LRRTM4: variants seen among roughly 807,000 people sequenced by gnomAD.
The protein encoded by LRRTM4 is leucine rich repeat transmembrane neuronal 4.
In LRRTM4, 25 loss-of-function variants were observed where a neutral mutation model predicts 47.6. That is an observed-to-expected ratio of 0.53 (90% CI 0.38 to 0.73). LRRTM4 has a LOEUF of 0.73. LRRTM4 is among the 30% of genes least tolerant of loss of function. The pLI, the probability that LRRTM4 is intolerant of heterozygous loss-of-function variation, is 0.00. For synonymous variants in LRRTM4, 311 were observed against 269.5 expected, an observed-to-expected ratio of 1.15 and a Z score of -1.51; for missense variants, 638 against 713.4, an observed-to-expected ratio of 0.89 and a Z score of 1.20.
chr2:77,393,807 A>G (rs1673594858), intron 3 of LRRTM4, among the ~76,000 whole-genome samples: 1 of 151,976 alleles, frequency 6.6e-6, no homozygotes, highest in African/African-American at 2.4e-5. Context: ...CTACTTGTTA[A>G]TTGATTTGTT....
chr2:77,118,508 T>A (rs1469405360), intron 3 of LRRTM4, among the ~76,000 whole-genome samples: 1 of 151,922 alleles, frequency 6.6e-6, no homozygotes. Context: ...GATCTTCCAA[T>A]GATGGATGGA....
At chr2:77,495,219 A>G (rs74799905) in intron 3 of LRRTM4, among the ~76,000 whole-genome samples, 1 of 152,056 alleles carries the variant, frequency 6.6e-6, no homozygotes, top group African/African-American at 2.4e-5. Flanking sequence ...CAACTGCCAA[A>G]TGGCTTTCCA....
chr2:76,821,861 G>T (rs1011601949), intron 3 of LRRTM4, among the ~76,000 whole-genome samples: 2 of 151,688 alleles, frequency 1.3e-5, no homozygotes, highest in Middle Eastern at 3.4e-3. Context: ...AAACTCACCA[G>T]TGAGACACCT....
chr2:76,971,935 G>A (rs1358793365), intron 3 of LRRTM4, among the ~76,000 whole-genome samples: 3 of 151,980 alleles, frequency 2.0e-5, no homozygotes, highest in African/African-American at 4.8e-5. Context: ...GTTGATCATG[G>A]TGACAGTGCT....
intron 3 of LRRTM4, among the ~76,000 whole-genome samples, chr2:76,938,610 A>G (rs1258483266): frequency 1.3e-5 from 2 of 152,162 alleles, no homozygotes; most frequent in Non-Finnish European, 2.9e-5. Flanking sequence ...ACTACATTTC[A>G]AGTAATTTTC....
chr2:77,091,294 G>A (rs1404080792), intron 3 of LRRTM4, among the ~76,000 whole-genome samples: 3 of 147,020 alleles, frequency 2.0e-5, no homozygotes, highest in Non-Finnish European at 4.4e-5. Flanking sequence ...TCCCTCCTTG[G>A]CGACCGATCA....
At chr2:77,032,008 GAT>G (rs1395003139) in intron 3 of LRRTM4, among the ~76,000 whole-genome samples, 1 of 151,884 alleles carries the variant, frequency 6.6e-6, no homozygotes, top group Non-Finnish European at 1.5e-5. Context: ...ACTTTTTAAA[GAT>G]ATTAAGAATC....
intron 3 of LRRTM4, among the ~76,000 whole-genome samples, chr2:76,835,196 A>C (rs1671474200): frequency 1.3e-5 from 2 of 152,138 alleles, no homozygotes; most frequent in African/African-American, 4.8e-5. Context: ...TAATGAATAA[A>C]ACTTATTAAA....
At chr2:77,080,215 A>G (rs1412052173) in intron 3 of LRRTM4, among the ~76,000 whole-genome samples, 1 of 152,200 alleles carries the variant, frequency 6.6e-6, no homozygotes, top group African/African-American at 2.4e-5. Flanking sequence ...CTTGGCTTCT[A>G]GAATTCTATG....
chr2:77,369,266 G>T (rs1672568932), intron 3 of LRRTM4, among the ~76,000 whole-genome samples: 2 of 151,090 alleles, frequency 1.3e-5, no homozygotes, highest in African/African-American at 4.9e-5. Flanking sequence ...ATTGTTTTTT[G>T]CTGTACAGAA....
intron 3 of LRRTM4, among the ~76,000 whole-genome samples, chr2:77,275,897 T>C (rs1340585750): frequency 6.6e-6 from 1 of 152,104 alleles, no homozygotes; most frequent in Non-Finnish European, 1.5e-5. Context: ...AAGTATTCAA[T>C]TTTTATGATG....
intron 3 of LRRTM4, among the ~76,000 whole-genome samples, chr2:77,338,792 C>A (rs1214625194): frequency 1.3e-5 from 2 of 151,876 alleles, no homozygotes; most frequent in Admixed American, 6.6e-5. Flanking sequence ...ACAAAGACAC[C>A]TGCACTCGTA....
chr2:77,356,552 T>C (rs761424865), intron 3 of LRRTM4, among the ~76,000 whole-genome samples: 1 of 152,154 alleles, frequency 6.6e-6, no homozygotes, highest in Admixed American at 6.5e-5. Flanking sequence ...GTGGTTAAAA[T>C]CGAGTACAGG....
intron 3 of LRRTM4, among the ~76,000 whole-genome samples, chr2:77,102,231 A>C (rs1052331392): frequency 1.3e-5 from 2 of 152,188 alleles, no homozygotes; most frequent in Admixed American, 1.3e-4. Flanking sequence ...GGTTCTAGGT[A>C]CCAGTCAGGC....
chr2:76,826,806 C>T (rs1314763596), intron 3 of LRRTM4, among the ~76,000 whole-genome samples: 1 of 151,834 alleles, frequency 6.6e-6, no homozygotes, highest in South Asian at 2.1e-4. Flanking sequence ...AAAATATCTT[C>T]ATCTCCTAAG....
chr2:77,037,628 A>C (rs1454052956), intron 3 of LRRTM4, among the ~76,000 whole-genome samples: 1 of 151,730 alleles, frequency 6.6e-6, no homozygotes, highest in Non-Finnish European at 1.5e-5. Flanking sequence ...AATATCCATT[A>C]AAAATGTAGA....
At chr2:76,858,537 G>C (rs1348287807) in intron 3 of LRRTM4, among the ~76,000 whole-genome samples, 1 of 152,244 alleles carries the variant, frequency 6.6e-6, no homozygotes, top group East Asian at 1.9e-4. Flanking sequence ...ATGGGGAACT[G>C]AAATATGCAA....
chr2:76,786,321 CAGAT>C (rs1674668644), intron 3 of LRRTM4, among the ~76,000 whole-genome samples: 1 of 151,852 alleles, frequency 6.6e-6, no homozygotes, highest in African/African-American at 2.4e-5. Flanking sequence ...ATATTTATAA[CAGAT>C]AGAACAAAGC....
At chr2:77,193,602 G>A (rs1377080594) in intron 3 of LRRTM4, among the ~76,000 whole-genome samples, 1 of 151,884 alleles carries the variant, frequency 6.6e-6, no homozygotes, top group Admixed American at 6.6e-5. Context: ...CTGAGATCAG[G>A]AGTTCGAGAC....
Sources: allele counts gnomAD v4.1 joint callset (sites outside exome capture counted in the v4.1 genomes callset), GRCh38; gene constraint gnomAD v4.1.1; transcripts MANE v1.5; gene names NCBI Gene and HGNC (gene_info 2026-07-23, HGNC 2026-07-21).